The following SNX29 variants were observed in gnomAD, a reference collection of about 807,000 sequenced individuals.
The protein encoded by SNX29 is sorting nexin 29.
SNX29 carries 78 observed loss-of-function variants against 102.1 expected under a neutral mutation model. That is an observed-to-expected ratio of 0.76 (90% confidence interval 0.64 to 0.92). SNX29 has a LOEUF of 0.92. Among genes scored for constraint, SNX29 ranks in the 40% least tolerant of loss-of-function variants. The probability of loss-of-function intolerance (pLI) is 0.00; values close to 1 mark genes in which losing one functional copy is unlikely to be tolerated. For missense variants in SNX29, 1,280 were observed against 1,061.7 expected (o/e 1.21, Z -2.86); for synonymous variants, 580 against 414.5 (o/e 1.40, Z -4.85).
chr16:12,563,877 C>A (rs1368316224), intron 20 of SNX29, among the ~76,000 whole-genome samples: 6 of 152,232 alleles, frequency 3.9e-5, no homozygotes, highest in African/African-American at 1.4e-4. Flanking sequence ...CCATCTCTAG[C>A]CCCTTGGGCC....
chr16:12,143,143 A>T (rs563688799), intron 13 of SNX29, among the ~76,000 whole-genome samples: 1 of 151,942 alleles, frequency 6.6e-6, no homozygotes, highest in East Asian at 1.9e-4. Flanking sequence ...GATTACAGGC[A>T]TGCGCCACCA....
At chr16:12,534,429 C>T (rs8057488) in intron 20 of SNX29, among the ~76,000 whole-genome samples, 17,962 of 152,168 alleles carry the variant, frequency 0.12, 1,797 homozygotes, top group African/African-American at 0.27. Flanking sequence ...CGGCTGCACT[C>T]GGTTGCCTGT....
chr16:12,565,052 C>T (rs1174252558), intron 20 of SNX29, among the ~76,000 whole-genome samples: 1 of 152,084 alleles, frequency 6.6e-6, no homozygotes, highest in East Asian at 1.9e-4. Context: ...GGCTTCATTC[C>T]CCTGTAGCAA....
intron 19 of SNX29, among the ~76,000 whole-genome samples, chr16:12,484,482 G>C (rs1420777656): frequency 6.6e-6 from 1 of 152,122 alleles, no homozygotes; most frequent in Non-Finnish European, 1.5e-5. Context: ...AGACCCTCCA[G>C]TGACACCCCT....
At chr16:12,485,206 G>A (rs1057191600) in intron 19 of SNX29, among the ~76,000 whole-genome samples, 3 of 152,172 alleles carry the variant, frequency 2.0e-5, no homozygotes, top group Admixed American at 6.5e-5. Context: ...TTTGGAGACC[G>A]GAAAGGTGGC....
At chr16:12,370,325 C>T (rs13337870) in intron 16 of SNX29, among the ~76,000 whole-genome samples, 7,073 of 151,198 alleles carry the variant, frequency 0.047, 339 homozygotes, top group African/African-American at 0.12. Flanking sequence ...TTTGGGAGGC[C>T]AAGGCGAGCG....
chr16:12,565,894 A>T (rs2078983470), intron 20 of SNX29, among the ~76,000 whole-genome samples: 2 of 151,298 alleles, frequency 1.3e-5, no homozygotes, highest in Non-Finnish European at 3.0e-5. Context: ...GTTCCCTCTC[A>T]TTGGGGCATC....
Position 12,027,492 on chromosome 16 carries a change from C to T in SNX29, c.247+48C>T, listed in dbSNP as rs145550213. 40 of 1,603,336 alleles carry T rather than the reference C, an allele frequency of 2.5e-5. No individual in the cohort carries two copies. The East Asian group carries it at 8.5e-4, about 34-fold the overall frequency. On this transcript the variant is annotated intron_variant, in intron 4 of 20. Transcript: ENST00000566228. Reference sequence around the variant, plus strand: ...CTTGGAGGAGCTTGTCTTCCTTCTGCTCTTTTTCTTTTTATTTATTTTTTA... The same window carrying T: ...CTTGGAGGAGCTTGTCTTCCTTCTGTTCTTTTTCTTTTTATTTATTTTTTA...
intron 1 of SNX29, among the ~76,000 whole-genome samples, chr16:11,983,210 T>C (rs1336183300): frequency 2.6e-5 from 4 of 151,654 alleles, no homozygotes; most frequent in Non-Finnish European, 5.9e-5. Flanking sequence ...GGATTACAGG[T>C]GTGAGCCACT....
intron 16 of SNX29, among the ~76,000 whole-genome samples, chr16:12,381,332 CT>C (rs1267478110): frequency 1.0e-5 from 1 of 95,576 alleles, no homozygotes. Flanking sequence ...CATCGTTCAT[CT>C]CACCAACCAA....
At chr16:12,550,727 G>A (rs561909953) in intron 20 of SNX29, among the ~76,000 whole-genome samples, 15 of 152,208 alleles carry the variant, frequency 9.9e-5, no homozygotes, top group African/African-American at 3.6e-4. Flanking sequence ...ACACTCCTGT[G>A]TTGCCTATTT....
intron 19 of SNX29, among the ~76,000 whole-genome samples, chr16:12,488,396 C>G (rs2088359995): frequency 6.6e-6 from 1 of 152,112 alleles, no homozygotes; most frequent in Admixed American, 6.5e-5. Context: ...TTCTCATACT[C>G]CATCGCATCA....
chr16:12,228,770 C>T (rs1032093890), intron 14 of SNX29, among the ~76,000 whole-genome samples: 7 of 152,182 alleles, frequency 4.6e-5, no homozygotes, highest in Non-Finnish European at 7.4e-5. Flanking sequence ...CCAAAGTCAC[C>T]GTCTCTTGAG....
At chr16:12,561,950 C>G (rs369096253) in intron 20 of SNX29, among the ~76,000 whole-genome samples, 4 of 152,272 alleles carry the variant, frequency 2.6e-5, no homozygotes, top group East Asian at 3.9e-4. Context: ...AGGTGCATCC[C>G]TGGGGGCATG....
intron 19 of SNX29, among the ~76,000 whole-genome samples, chr16:12,497,946 C>T (rs2088914457): frequency 6.6e-6 from 1 of 152,098 alleles, no homozygotes; most frequent in South Asian, 2.1e-4. Context: ...TGTCCACTCT[C>T]AGACAAGGTT....
At chr16:12,481,316 C>T (rs1487143419) in intron 19 of SNX29, among the ~76,000 whole-genome samples, 3 of 151,930 alleles carry the variant, frequency 2.0e-5, no homozygotes, top group Non-Finnish European at 4.4e-5. Context: ...CCATTTCTCG[C>T]CTGTGCAGCT....
At chr16:12,555,987 TG>T (rs1027914507) in intron 20 of SNX29, among the ~76,000 whole-genome samples, 3 of 144,086 alleles carry the variant, frequency 2.1e-5, no homozygotes, top group African/African-American at 5.0e-5. Context: ...AATTTTCAAG[TG>T]TTTTTTTTGT....
chr16:12,430,383 T>TA (rs2151624989), intron 18 of SNX29, among the ~76,000 whole-genome samples: 1 of 152,348 alleles, frequency 6.6e-6, no homozygotes, highest in African/African-American at 2.4e-5. Context: ...GGGGGACACT[T>TA]ACATCAGTTG....
At chr16:11,978,738 A>G (rs1415220559) in intron 1 of SNX29, among the ~76,000 whole-genome samples, 1 of 152,194 alleles carries the variant, frequency 6.6e-6, no homozygotes, top group East Asian at 1.9e-4. Flanking sequence ...TTGATAAGCC[A>G]ATAGAAATTG....
Sources: allele counts gnomAD v4.1 joint callset (sites outside exome capture counted in the v4.1 genomes callset), GRCh38; gene constraint gnomAD v4.1.1; transcripts MANE v1.5; gene names NCBI Gene and HGNC (gene_info 2026-07-23, HGNC 2026-07-21).